PLXNA4: variants seen among roughly 807,000 people sequenced by gnomAD.
PLXNA4 encodes the protein plexin A4, also known as plexin-A4.
Under a neutral mutation model 191.8 loss-of-function variants are expected in PLXNA4, and 44 were observed. That is an observed-to-expected ratio of 0.23 (90% CI 0.18 to 0.29). PLXNA4 has a LOEUF of 0.29. Among genes scored for constraint, PLXNA4 ranks in the 10% least tolerant of loss-of-function variants. The probability of loss-of-function intolerance (pLI) is 1.00; values close to 1 mark genes in which losing one functional copy is unlikely to be tolerated. For synonymous variants in PLXNA4, 1,082 were observed against 1,009.5 expected (o/e 1.07, Z -1.36); for missense variants, 1,800 against 2,488.8 (o/e 0.72, Z 5.89).
Position 132,187,626 on chromosome 7 carries a change from G to T in PLXNA4, c.2857-19C>A, listed in dbSNP as rs1263912927. ...TCAGTGTCTGTGTAGAAAGGATGTGGCCTGAGACACAACCAGGAAGGGGTG... is the reference window on the plus strand; with the variant it reads ...TCAGTGTCTGTGTAGAAAGGATGTGTCCTGAGACACAACCAGGAAGGGGTG... On this transcript the variant is annotated intron_variant, in intron 14 of 31. Coordinates refer to ENST00000321063, the MANE Select transcript of PLXNA4 (RefSeq NM_020911.2). 5 of 1,597,722 alleles carry T rather than the reference G, an allele frequency of 3.1e-6. No homozygotes were observed. Among genetic ancestry groups the T allele is most frequent in the Non-Finnish European group, 4.3e-6 (5 of 1,169,690 alleles).
At chr7:132,467,669 G>T (rs762145897) in intron 3 of PLXNA4, among the ~76,000 whole-genome samples, 2 of 152,198 alleles carry the variant, frequency 1.3e-5, no homozygotes, top group Admixed American at 6.5e-5. Context: ...ATTAAAAGAC[G>T]TTGAACCTAG....
chr7:132,340,251 C>G (rs1802974732), intron 3 of PLXNA4, among the ~76,000 whole-genome samples: 2 of 152,190 alleles, frequency 1.3e-5, no homozygotes, highest in Non-Finnish European at 2.9e-5. Flanking sequence ...TCCTCCCATC[C>G]CTCTTCACTG....
At chr7:132,534,383 A>T (rs1399256063) in intron 1 of PLXNA4, among the ~76,000 whole-genome samples, 1 of 152,132 alleles carries the variant, frequency 6.6e-6, no homozygotes, top group Non-Finnish European at 1.5e-5. Context: ...AAACAGCAGC[A>T]ACTTCCAAGT....
chr7:132,523,379 G>A (rs1169635065), intron 1 of PLXNA4, among the ~76,000 whole-genome samples: 2 of 152,178 alleles, frequency 1.3e-5, no homozygotes, highest in African/African-American at 2.4e-5. Context: ...AATGGCCAGG[G>A]GGAGCCAGCC....
At chr7:132,574,482 C>G (rs1654196683) in intron 1 of PLXNA4, among the ~76,000 whole-genome samples, 2 of 152,176 alleles carry the variant, frequency 1.3e-5, no homozygotes, top group South Asian at 4.1e-4. Flanking sequence ...AGAGGTGGAC[C>G]CCATTGTCAC....
chr7:132,495,305 C>T (rs1585221650), intron 2 of PLXNA4, among the ~76,000 whole-genome samples: 1 of 152,332 alleles, frequency 6.6e-6, no homozygotes, highest in South Asian at 2.1e-4. Context: ...AAATGCAGTG[C>T]TAATGAGGTG....
chr7:132,210,947 G>C lies in PLXNA4; in HGVS notation c.2294C>G (p.Thr765Ser). 1 of 1,611,066 alleles carries C rather than the reference G, an allele frequency of 6.2e-7. No homozygotes were observed. Among genetic ancestry groups the C allele is most frequent in the Admixed American group, 1.7e-5 (1 of 60,004 alleles). The change falls in exon 10 of 32, where the codon ACC (threonine) becomes AGC (serine). Residue 765 changes from threonine (T) to serine (S), a missense_variant. By Grantham distance (58) the Thr-to-Ser change is moderately conservative. This residue lies in a region of PLXNA4 where 1,397 missense variants were observed against 1,880.4 expected (regional missense o/e 0.74). Coordinates refer to ENST00000321063, the MANE Select transcript of PLXNA4 (RefSeq NM_020911.2). ...FNSSSVQCQN[T>S]SYSYEGMEIN... Reference sequence around the variant, plus strand: ...GGGCAGGGTTGGGCGACTCACAGAGGTGTTCTGGCACTGTACGCTGGAGCT... The same window carrying C: ...GGGCAGGGTTGGGCGACTCACAGAGCTGTTCTGGCACTGTACGCTGGAGCT...
chr7:132,297,986 T>A, intron 4 of PLXNA4, 105 bp downstream of exon 4: 1 of 1,451,304 alleles, frequency 6.9e-7, no homozygotes, highest in Non-Finnish European at 9.6e-7. Flanking sequence ...CTACGCCAAA[T>A]AAATCAAATC....
chr7:132,524,638 T>G (rs1799326475), intron 1 of PLXNA4, among the ~76,000 whole-genome samples: 1 of 152,140 alleles, frequency 6.6e-6, no homozygotes, highest in Non-Finnish European at 1.5e-5. Context: ...TGCAGTGGCA[T>G]GATCTCGGCT....
At chr7:132,530,710 T>C (rs1799586378) in intron 1 of PLXNA4, among the ~76,000 whole-genome samples, 1 of 152,180 alleles carries the variant, frequency 6.6e-6, no homozygotes, top group African/African-American at 2.4e-5. Flanking sequence ...AAACATAGAA[T>C]TACCACATGA....
At chr7:132,258,475 G>A (rs542241157) in intron 4 of PLXNA4, among the ~76,000 whole-genome samples, 9 of 152,216 alleles carry the variant, frequency 5.9e-5, no homozygotes, top group Non-Finnish European at 1.3e-4. Context: ...GTTTTTGGGA[G>A]CAGAGTCAAG....
intron 2 of PLXNA4, among the ~76,000 whole-genome samples, chr7:132,592,849 T>C (rs1482581265): frequency 2.0e-5 from 3 of 150,844 alleles, no homozygotes; most frequent in Non-Finnish European, 4.4e-5. Context: ...CCTTTTTTTT[T>C]CCAGAAGCAA....
chr7:132,562,064 C>CTCCTCT (rs1801172149), intron 1 of PLXNA4, among the ~76,000 whole-genome samples: 1 of 123,586 alleles, frequency 8.1e-6, no homozygotes, highest in Non-Finnish European at 1.7e-5. Flanking sequence ...CCTCCTCCTT[C>CTCCTCT]TCCTCCTCTT....
At chr7:132,273,140 C>A (rs1584930992) in intron 4 of PLXNA4, among the ~76,000 whole-genome samples, 1 of 152,086 alleles carries the variant, frequency 6.6e-6, no homozygotes. Flanking sequence ...GAAGATGATC[C>A]CTACATAGCC....
At chr7:132,390,128 T>G (rs1386155950) in intron 3 of PLXNA4, among the ~76,000 whole-genome samples, 1 of 152,240 alleles carries the variant, frequency 6.6e-6, no homozygotes, top group Non-Finnish European at 1.5e-5. Flanking sequence ...GTATGTTTAC[T>G]GTGGCACTGT....
intron 1 of PLXNA4, among the ~76,000 whole-genome samples, chr7:132,550,422 C>T: frequency 6.6e-6 from 1 of 152,146 alleles, no homozygotes; most frequent in Admixed American, 6.5e-5. Flanking sequence ...TCTCTTTGTG[C>T]TGGAAGGAAT....
At position 132,323,213 on chromosome 7, in the gene PLXNA4, T is replaced by C. The variant is rs1467607390; in HGVS notation, c.1372-24991A>G. ...GCCTTAAATCACCTGTACATGTGCATTGCTGGGTGCCAGCAGATGATTCAT... is the reference window on the plus strand; with the variant it reads ...GCCTTAAATCACCTGTACATGTGCACTGCTGGGTGCCAGCAGATGATTCAT... On this transcript the variant is annotated intron_variant, in intron 3 of 31. Coordinates refer to ENST00000321063, the MANE Select transcript of PLXNA4 (RefSeq NM_020911.2). Among the ~76,000 whole-genome samples, 7 of 152,186 alleles carry C rather than the reference T, an allele frequency of 4.6e-5. 1 individual carries two copies. Among genetic ancestry groups the C allele is most frequent in the African/African-American group, 1.7e-4 (7 of 41,452 alleles).
At chr7:132,223,463 C>T in intron 9 of PLXNA4, 64 bp downstream of exon 9, 2 of 1,367,174 alleles carry the variant, frequency 1.5e-6, no homozygotes, top group East Asian at 2.4e-5. Flanking sequence ...TAAGGGAATG[C>T]CTCTCTTCTG....
In PLXNA4 at chr7:132,508,898, G is replaced by C. The variant is rs1379950850; in HGVS notation, c.-86-119C>G. The C allele has an allele frequency of 1.4e-5, 15 of 1,039,684 alleles. No individual in the cohort carries two copies. Among genetic ancestry groups the C allele is most frequent in the Non-Finnish European group, 3.9e-6 (3 of 767,628 alleles). The allele number at this position is 1,039,684 out of a possible 1,614,324, so 64.4% of individuals were successfully genotyped here. A position where few individuals can be genotyped will look rare whatever the true frequency, so the allele number is the denominator to read the frequency against. ...CACACTGAGCAGAACTGCACTGGGG[G>C]GTGCTGGAGGCTGACTGAGTCAACC... On this transcript the variant is annotated intron_variant, in intron 1 of 31. Transcript: ENST00000321063. This position sits in a 1 kb window ranked among gnomAD's most constrained non-coding sequence, Gnocchi z 4.4.
Sources: gnomAD v4.1 joint callset for allele counts (sites outside exome capture counted in the v4.1 genomes callset) on GRCh38, gnomAD v4.1.1 for gene constraint, gnomAD v4.1.1 regional missense constraint, Gnocchi (gnomAD v3.1) non-coding constraint, MANE v1.5 for transcripts, NCBI Gene and HGNC (gene_info 2026-07-23, HGNC 2026-07-21) for gene names.